Variants in ME3 observed in about 807,000 individuals in gnomAD.
ME3 encodes malic enzyme 3.
ME3 carries 48 observed loss-of-function variants against 68.9 expected under a neutral mutation model. The ratio of observed to expected loss-of-function variants is 0.70; its 90% confidence interval spans 0.55 to 0.89. ME3 has a LOEUF of 0.89. Among genes scored for constraint, ME3 ranks in the 40% least tolerant of loss-of-function variants. ME3 has a pLI of 0.00. For synonymous variants in ME3, 320 were observed against 318.8 expected (o/e 1.00, Z -0.04); for missense variants, 675 against 797.4 (o/e 0.85, Z 1.85).
At chr11:86,567,661 G>A (rs1205717419) in intron 2 of ME3, among the ~76,000 whole-genome samples, 4 of 152,178 alleles carry the variant, frequency 2.6e-5, no homozygotes, top group African/African-American at 9.7e-5. Flanking sequence ...GAGGAAAAGG[G>A]ATGACTGTTT....
intron 2 of ME3, among the ~76,000 whole-genome samples, chr11:86,654,373 C>G (rs1016900799): frequency 1.3e-5 from 2 of 152,160 alleles, no homozygotes; most frequent in African/African-American, 4.8e-5. Context: ...CTGAATCCAG[C>G]AGCACATCAA....
At chr11:86,448,186 C>T in exon 11 of ME3, 2 of 1,614,172 alleles carry the variant, frequency 1.2e-6, no homozygotes, top group East Asian at 4.5e-5. Flanking sequence ...CTCACCACCT[C>T]CTCCAGGGAG....
At chr11:86,448,311 TAC>T in intron 10 of ME3, 56 bp from the exon 11 acceptor site, 1 of 1,301,062 alleles carries the variant, frequency 7.7e-7, no homozygotes, top group Non-Finnish European at 1.1e-6. Flanking sequence ...TGGGTAGGAG[TAC>T]AGATGCATTT....
intron 3 of ME3, among the ~76,000 whole-genome samples, chr11:86,559,172 G>A (rs1014477314): frequency 1.3e-5 from 2 of 152,164 alleles, no homozygotes; most frequent in Non-Finnish European, 2.9e-5. Context: ...GAGGAGGCAG[G>A]GTTATTAACT....
At chr11:86,531,534 A>G (rs1035271698) in intron 4 of ME3, among the ~76,000 whole-genome samples, 13 of 152,238 alleles carry the variant, frequency 8.5e-5, no homozygotes, top group Non-Finnish European at 2.9e-5. Context: ...ATGCTGCTAT[A>G]AAGACACATG....
At chr11:86,637,444 G>A (rs1944406894) in intron 2 of ME3, among the ~76,000 whole-genome samples, 1 of 151,922 alleles carries the variant, frequency 6.6e-6, no homozygotes, top group Non-Finnish European at 1.5e-5. Context: ...GCCCATATTT[G>A]GTCTAGAGCT....
chr11:86,623,376 C>G (rs1943466872), intron 2 of ME3, among the ~76,000 whole-genome samples: 1 of 152,202 alleles, frequency 6.6e-6, no homozygotes, highest in African/African-American at 2.4e-5. Context: ...CATCACACCA[C>G]TGGCTTACCT....
intron 2 of ME3, chr11:86,622,840 T>G (rs1016952140): frequency 2.2e-4 from 33 of 151,968 alleles, no homozygotes; most frequent in African/African-American, 7.8e-4. Flanking sequence ...TTTTCACCTA[T>G]TCCCAACCAC....
At chr11:86,540,088 C>T (rs1460398356) in intron 4 of ME3, among the ~76,000 whole-genome samples, 1 of 152,162 alleles carries the variant, frequency 6.6e-6, no homozygotes, top group Admixed American at 6.5e-5. Flanking sequence ...TGGAAGTGGC[C>T]AACCCAGAGA....
At chr11:86,637,631 C>T (rs927220675) in intron 2 of ME3, among the ~76,000 whole-genome samples, 2 of 152,142 alleles carry the variant, frequency 1.3e-5, no homozygotes, top group African/African-American at 2.4e-5. Flanking sequence ...TCGATTGAGA[C>T]ACCCCTCGAG....
chr11:86,660,106 A>T (rs575167147), intron 2 of ME3, among the ~76,000 whole-genome samples: 4 of 152,344 alleles, frequency 2.6e-5, no homozygotes, highest in East Asian at 3.9e-4. Context: ...TGTCTAGATT[A>T]TCCAGGCTTA....
At chr11:86,603,435 A>G (rs1565200714) in intron 2 of ME3, among the ~76,000 whole-genome samples, 2 of 152,242 alleles carry the variant, frequency 1.3e-5, no homozygotes, top group Admixed American at 1.3e-4. Context: ...CAATCATTAA[A>G]AAGTCAGGAA....
chr11:86,490,581 C>A (rs1425003843), intron 6 of ME3, among the ~76,000 whole-genome samples: 1 of 152,074 alleles, frequency 6.6e-6, no homozygotes, highest in Non-Finnish European at 1.5e-5. Context: ...GTCACCTGGA[C>A]AAATTTGTAA....
intron 4 of ME3, among the ~76,000 whole-genome samples, chr11:86,535,233 C>G (rs1307164498): frequency 6.6e-6 from 1 of 152,178 alleles, no homozygotes; most frequent in Non-Finnish European, 1.5e-5. Flanking sequence ...CACCCCCTTA[C>G]AATCCAAGGA....
At chr11:86,621,315 C>A (rs999472) in intron 2 of ME3, among the ~76,000 whole-genome samples, 1 of 151,818 alleles carries the variant, frequency 6.6e-6, no homozygotes, top group Admixed American at 6.5e-5. Context: ...TTTTTATTGG[C>A]ATAGAATTCA....
chr11:86,563,870 G>A (rs1014281496), intron 2 of ME3, among the ~76,000 whole-genome samples: 1 of 152,166 alleles, frequency 6.6e-6, no homozygotes, highest in Non-Finnish European at 1.5e-5. Context: ...ATAGTTTGAA[G>A]TCAGGTAGTA....
chr11:86,608,986 C>A (rs776258541), intron 2 of ME3, among the ~76,000 whole-genome samples: 7 of 152,204 alleles, frequency 4.6e-5, no homozygotes, highest in Non-Finnish European at 1.0e-4. Context: ...ATGTGTCAGG[C>A]ACTGTGTAAA....
chr11:86,550,916 G>A (rs865838593), intron 4 of ME3, among the ~76,000 whole-genome samples: 24 of 152,036 alleles, frequency 1.6e-4, no homozygotes, highest in Middle Eastern at 3.2e-3. Context: ...GGCTCCAGTG[G>A]GTATTTAGGA....
chr11:86,537,602 G>A (rs1474746358), intron 4 of ME3, among the ~76,000 whole-genome samples: 1 of 152,194 alleles, frequency 6.6e-6, no homozygotes. Context: ...AGGCAAAGCT[G>A]CAGAAATGCA....
Sources: gnomAD v4.1 joint callset for allele counts (sites outside exome capture counted in the v4.1 genomes callset) on GRCh38, gnomAD v4.1.1 for gene constraint, MANE v1.5 for transcripts, NCBI Gene and HGNC (gene_info 2026-07-23, HGNC 2026-07-21) for gene names.